Variants in SMG5 observed in about 807,000 individuals in gnomAD.
SMG5 encodes the protein SMG5 nonsense mediated mRNA decay factor.
Under a neutral mutation model 122.9 loss-of-function variants are expected in SMG5, and 53 were observed. That is an observed-to-expected ratio of 0.43 (90% CI 0.35 to 0.54). SMG5 has a LOEUF of 0.54. Ranked by LOEUF, SMG5 falls within the 20% of genes least tolerant of loss-of-function variation. The pLI, the probability that SMG5 is intolerant of heterozygous loss-of-function variation, is 0.01. For missense variants in SMG5, 1,153 were observed against 1,285.6 expected (o/e 0.90, Z 1.58); for synonymous variants, 477 against 490.2 (o/e 0.97, Z 0.35).
chr1:156,286,256 C>G (rs1311129191), upstream of SMG5: 1 of 1,613,692 alleles, frequency 6.2e-7, no homozygotes, highest in Non-Finnish European at 8.5e-7. Flanking sequence ...CCAACTCCAC[C>G]CAGGGATCCT....
rs1220797165 is a variant in SMG5, at chr1:156,265,966, C to G, written c.1670G>C (p.Gly557Ala). 6.2e-7 allele frequency: 1 copy of G among 1,614,058 alleles called. No homozygotes were observed. The highest frequency in any genetic ancestry group is 1.7e-5 in the Admixed American group (1 of 60,002). The change falls in exon 12 of 22, where the codon GGC becomes GCC. Residue 557 changes from glycine to alanine, a missense_variant. Physicochemically the swap from Gly to Ala is moderately conservative, Grantham distance 60 (BLOSUM62 0). Transcript: ENST00000361813. ...EAPDSLNGPLGPSEASIASNL... is the reference protein window; with the variant it reads ...EAPDSLNGPLAPSEASIASNL... ...GCTGGCAATGCTAGCCTCACTGGGG[C>G]CCAGTGGGCCATTGAGGGAATCGGG...
At chr1:156,271,020 A>AG (rs1410795753) in intron 7 of SMG5, among the ~76,000 whole-genome samples, 1 of 152,022 alleles carries the variant, frequency 6.6e-6, no homozygotes, top group Non-Finnish European at 1.5e-5. Context: ...AAAAAAAAAA[A>AG]GAAAAAAGAA....
Position 156,268,319 on chromosome 1 carries a change from C to T in SMG5, c.810G>A (p.Glu270=), listed in dbSNP as rs1371244649. The T allele has an allele frequency of 6.2e-7, 1 of 1,614,090 alleles. No homozygotes were observed. Among genetic ancestry groups the T allele is most frequent in the South Asian group, 1.1e-5 (1 of 91,078 alleles). The change falls in exon 8 of 22, where the codon GAG becomes GAA. Residue 270 remains glutamate (E), a synonymous_variant. Transcript: ENST00000361813. ...TTTTGCCAGGAGACAGTTTCCGAGT[C>T]TCACACTTCTTCAGTTGGTGGTACA... ...AKMYHQLKKC[E]TRKLSPGKKR...
chr1:156,282,773 CGCCGCCACCGGCCCTGCTCG>C lies in SMG5; in HGVS notation c.-113_-94del. ...CGTCTCCGGCCGTAGCCGCAGCCGC[CGCCGCCACCGGCCCTGCTCG>C]GCCGCCATCGCTGTGAGGCGGCTGC... is the stretch of plus-strand genomic sequence containing the variant. On this transcript the variant is annotated 5_prime_UTR_variant, in exon 1 of 22. The change abolishes the stop of an existing upstream ORF in the 5' untranslated region. Coordinates refer to ENST00000361813, the MANE Select transcript of SMG5 (RefSeq NM_015327.3). 5 of 1,355,450 alleles carry C rather than the reference CGCCGCCACCGGCCCTGCTCG, an allele frequency of 3.7e-6. No individual in the cohort carries two copies. The highest frequency in any genetic ancestry group is 2.7e-5 in the South Asian group (2 of 73,516). 84.0% of individuals were successfully genotyped at this position (1,355,450 alleles called of 1,614,324 possible). A position where few individuals can be genotyped will look rare whatever the true frequency, so the allele number is the denominator to read the frequency against.
At chr1:156,262,295 A>G (rs1304165580) in intron 13 of SMG5, among the ~76,000 whole-genome samples, 1 of 151,894 alleles carries the variant, frequency 6.6e-6, no homozygotes, top group African/African-American at 2.4e-5. Context: ...CCTGGCTAAC[A>G]TGGTGAAACG....
intron 6 of SMG5, 102 bp downstream of exon 6, chr1:156,273,256 AGAG>A: frequency 2.3e-6 from 2 of 863,014 alleles, no homozygotes; most frequent in South Asian, 2.7e-5. Flanking sequence ...CTGAGAATGA[AGAG>A]GAGCTGGGGA....
chr1:156,252,952 T>A lies in SMG5; in HGVS notation c.2629A>T (p.Ser877Cys). Residue 877 changes from serine to cysteine, a missense_variant, in exon 18 of 22, where the codon AGT becomes TGT. By Grantham distance (112) the Ser-to-Cys change is moderately radical (BLOSUM62 -1). This residue lies in a region of SMG5 where 140 missense variants were observed against 227.8 expected (regional missense o/e 0.61). Coordinates refer to ENST00000361813, the MANE Select transcript of SMG5 (RefSeq NM_015327.3). ...GGGATGATGACAATGAAGCGGCCAC[T>A]GGTGGCCAGTTGGCGGATGACAGGG... ...HLPVIRQLATSGRFIVIIPRT... is the reference protein window; with the variant it reads ...HLPVIRQLATCGRFIVIIPRT... 1 of 1,612,366 alleles carries A rather than the reference T, an allele frequency of 6.2e-7. No homozygotes were observed. The highest frequency in any genetic ancestry group is 8.5e-7 in the Non-Finnish European group (1 of 1,179,270).
chr1:156,272,466 A>C, intron 6 of SMG5, 68 bp from the exon 7 acceptor site: 3 of 1,305,308 alleles, frequency 2.3e-6, no homozygotes, highest in Non-Finnish European at 3.3e-6. Flanking sequence ...GGCCCAACCA[A>C]TGCTAAGCAT....
At chr1:156,259,312 T>C in intron 15 of SMG5, 149 bp from the exon 16 acceptor site, 1 of 834,382 alleles carries the variant, frequency 1.2e-6, no homozygotes, top group Non-Finnish European at 1.7e-6. Context: ...TTGTGGTCTA[T>C]GGGGTGGGAA....
chr1:156,273,386 T>G lies in SMG5; in HGVS notation c.609A>C (p.Gln203His). 6.2e-7 allele frequency: 1 copy of G among 1,613,928 alleles called. No homozygotes were observed. Among genetic ancestry groups the G allele is most frequent in the Non-Finnish European group, 8.5e-7 (1 of 1,179,998 alleles). ...CAATCTGAGGAGCTACTGACAGGGC[T>G]TGGTAGTAAAATCTCTCGGCTAGCA... Reference protein sequence around the residue: ...TELLAERFYYQALSVAPQIGM... With the variant: ...TELLAERFYYHALSVAPQIGM... The change falls in exon 6 of 22, where the codon CAA becomes CAC. Residue 203 changes from glutamine (Q) to histidine (H), a missense_variant. Gln to His is a conservative substitution (Grantham distance 24). This residue lies in a region of SMG5 where 85 missense variants were observed against 127.3 expected (regional missense o/e 0.67). Coordinates refer to ENST00000361813, the MANE Select transcript of SMG5 (RefSeq NM_015327.3).
chr1:156,272,253 C>T (rs538422923), intron 7 of SMG5, 67 bp downstream of exon 7: 197 of 1,411,244 alleles, frequency 1.4e-4, no homozygotes, highest in Admixed American at 2.0e-4. Flanking sequence ...GAAGGGAAGA[C>T]GGAAAACAAA....
upstream of SMG5, chr1:156,285,759 T>C (rs1663134748): frequency 3.7e-6 from 6 of 1,613,240 alleles, no homozygotes; most frequent in Non-Finnish European, 5.1e-6. Flanking sequence ...GCTGAGGCAG[T>C]GGTGAGGCCG....
At position 156,259,127 on chromosome 1, in the gene SMG5, G is replaced by C. The variant is rs1661701941; in HGVS notation, c.2320C>G (p.His774Asp). 1 of 1,603,708 alleles carries C rather than the reference G, an allele frequency of 6.2e-7. No homozygotes were observed. The highest frequency in any genetic ancestry group is 2.2e-5 in the East Asian group (1 of 44,676). Reference sequence around the variant, plus strand: ...CTGCCTTGCAGGCGGGCGATGAAATGACCAAAGCTGCGGATGCAGCAGATG... The same window carrying C: ...CTGCCTTGCAGGCGGGCGATGAAATCACCAAAGCTGCGGATGCAGCAGATG... ...VRICCIRSFG[H>D]FIARLQGSIL... is the part of the protein sequence containing the mutation. Residue 774 changes from histidine to aspartate, a missense_variant, in exon 16 of 22, where the codon CAT (histidine) becomes GAT (aspartate). This residue lies in a region of SMG5 where 631 missense variants were observed against 650.6 expected (regional missense o/e 0.97). Transcript: ENST00000361813.
intron 13 of SMG5, among the ~76,000 whole-genome samples, chr1:156,261,615 C>A (rs569027185): frequency 1.2e-4 from 18 of 152,142 alleles, no homozygotes; most frequent in Admixed American, 5.2e-4. Flanking sequence ...TGGCTGGGCA[C>A]GGTGGTTCAT....
rs747920555 is a variant in SMG5 at position 156,277,148 on chromosome 1, A to C, written c.391T>G (p.Ser131Ala). ...CACTGCAGTTCCAGCTGGTAGTGGG[A>C]CTGGATATAGAGAAGGAGATGCTGG... Reference protein sequence around the residue: ...FYQHLLLYIQSHYQLELQCCI... With the variant: ...FYQHLLLYIQAHYQLELQCCI... The change falls in exon 4 of 22, where the codon TCC (serine) becomes GCC (alanine). Residue 131 changes from serine (S) to alanine (A), a missense_variant. Coordinates refer to ENST00000361813, the MANE Select transcript of SMG5 (RefSeq NM_015327.3). 2 of 1,613,970 alleles carry C rather than the reference A, an allele frequency of 1.2e-6. No homozygotes were observed. Among genetic ancestry groups the C allele is most frequent in the Non-Finnish European group, 1.7e-6 (2 of 1,179,960 alleles).
At chr1:156,250,831 C>T (rs1251366796) in intron 21 of SMG5, 27 bp downstream of exon 21, 4 of 1,612,346 alleles carry the variant, frequency 2.5e-6, no homozygotes, top group Non-Finnish European at 3.4e-6. Flanking sequence ...TATTCCACAC[C>T]ATCCCCCCAC....
At position 156,253,442 on chromosome 1, in the gene SMG5, T is replaced by G. The variant is rs1661441897; in HGVS notation, c.2502+7A>C. ...GCAGAAGAAGCACTTGGGTCCTGATTTCCTACCTGAAGTCGTAGCTGAGCC... is the reference window on the plus strand; with the variant it reads ...GCAGAAGAAGCACTTGGGTCCTGATGTCCTACCTGAAGTCGTAGCTGAGCC... On this transcript the variant is annotated splice_region_variant and intron_variant, in intron 17 of 21. Coordinates refer to ENST00000361813, the MANE Select transcript of SMG5 (RefSeq NM_015327.3). The G allele has an allele frequency of 2.5e-6, 4 of 1,613,914 alleles. No homozygotes were observed. Among genetic ancestry groups the G allele is most frequent in the Non-Finnish European group, 3.4e-6 (4 of 1,179,996 alleles).
chr1:156,249,824 G>A lies in SMG5; in HGVS notation c.*763C>T, dbSNP rs751609363. The A allele has an allele frequency of 2.1e-6, 1 of 471,158 alleles. No individual in the cohort carries two copies. The highest frequency in any genetic ancestry group is 2.0e-5 in the African/African-American group (1 of 50,102). The allele number at this position is 471,158 out of a possible 1,614,324, so 29.2% of individuals were successfully genotyped here. On this transcript the variant is annotated 3_prime_UTR_variant, in exon 22 of 22. Transcript: ENST00000361813. ...GAGCACAAAGCACAGCACCTGTGGG[G>A]CTGGTGGGCACAGGAGACCGTGCTG...
At chr1:156,258,894 T>G in intron 16 of SMG5, 111 bp downstream of exon 16, 1 of 1,318,640 alleles carries the variant, frequency 7.6e-7, no homozygotes, top group African/African-American at 1.5e-5. Flanking sequence ...TCCCTAGGCA[T>G]CTTACTATGT....
Sources: gnomAD v4.1 joint callset for allele counts (sites outside exome capture counted in the v4.1 genomes callset) on GRCh38, gnomAD v4.1.1 for gene constraint, gnomAD v4.1.1 regional missense constraint, MANE v1.5 for transcripts, NCBI Gene and HGNC (gene_info 2026-07-23, HGNC 2026-07-21) for gene names.